The following NOS1AP variants were observed in gnomAD, a reference collection of about 807,000 sequenced individuals.
NOS1AP encodes the protein carboxyl-terminal PDZ ligand of neuronal nitric oxide synthase protein.
Under a neutral mutation model 56.2 loss-of-function variants are expected in NOS1AP, and 21 were observed. The observed-to-expected ratio is 0.37, with a 90% CI of 0.26 to 0.54. The LOEUF (loss-of-function observed/expected upper bound fraction) is 0.54. Ranked by LOEUF, NOS1AP falls within the 20% of genes least tolerant of loss-of-function variation. NOS1AP has a pLI of 0.84. For missense variants in NOS1AP, 522 were observed against 657.8 expected (o/e 0.79, Z 2.26); for synonymous variants, 270 against 274.6 (o/e 0.98, Z 0.17).
At chr1:162,282,760 C>T (rs1199741275) in intron 2 of NOS1AP, among the ~76,000 whole-genome samples, 3 of 152,212 alleles carry the variant, frequency 2.0e-5, no homozygotes, top group Non-Finnish European at 4.4e-5. Context: ...AGAAGCGAAG[C>T]TCCAAAGCTC....
At chr1:162,134,485 T>TAAA (rs66940059) in intron 1 of NOS1AP, among the ~76,000 whole-genome samples, 16 of 92,704 alleles carry the variant, frequency 1.7e-4, no homozygotes, top group Non-Finnish European at 2.6e-4. Flanking sequence ...AGACTTTGTC[T>TAAA]AAAAAAAAAA....
At chr1:162,116,580 G>C (rs960383480) in intron 1 of NOS1AP, among the ~76,000 whole-genome samples, 7 of 152,174 alleles carry the variant, frequency 4.6e-5, no homozygotes, top group Non-Finnish European at 1.0e-4. Context: ...TAGATTCGTA[G>C]TATGTTACCT....
At chr1:162,161,513 C>T (rs1417040827) in intron 2 of NOS1AP, among the ~76,000 whole-genome samples, 19 of 152,164 alleles carry the variant, frequency 1.2e-4, no homozygotes, top group Non-Finnish European at 2.8e-4. Flanking sequence ...ATGTATTTTA[C>T]AGTTATACAT....
rs984914105 is a variant in NOS1AP at position 162,200,030 on chromosome 1, C to T, written c.177+45554C>T. On this transcript the variant is annotated intron_variant, in intron 2 of 9. Coordinates refer to ENST00000361897, the MANE Select transcript of NOS1AP (RefSeq NM_014697.3). ...TTGGCACTGGTGGCATGTTACCACGCGAGATCTCAGGAAACCCATTTCACT... is the reference window on the plus strand; with the variant it reads ...TTGGCACTGGTGGCATGTTACCACGTGAGATCTCAGGAAACCCATTTCACT... 6.6e-5 allele frequency among the ~76,000 whole-genome samples: 10 copies of T among 152,214 alleles called. No individual in the cohort carries two copies. The East Asian group carries it at 9.7e-4, about 15-fold the overall frequency.
chr1:162,208,337 G>C (rs1012144835), intron 2 of NOS1AP, among the ~76,000 whole-genome samples: 2 of 152,170 alleles, frequency 1.3e-5, no homozygotes, highest in Non-Finnish European at 2.9e-5. Context: ...TTTTATAATT[G>C]TTTCATGTAG....
chr1:162,147,762 A>T (rs1490902294), intron 1 of NOS1AP, among the ~76,000 whole-genome samples: 2 of 152,172 alleles, frequency 1.3e-5, no homozygotes, highest in East Asian at 1.9e-4. Flanking sequence ...CCATATCTTG[A>T]TTACCTATAC....
intron 2 of NOS1AP, among the ~76,000 whole-genome samples, chr1:162,263,765 T>C (rs1477546623): frequency 6.6e-6 from 1 of 152,194 alleles, no homozygotes; most frequent in Non-Finnish European, 1.5e-5. Flanking sequence ...TTTGGATTTC[T>C]CAAAGACACC....
intron 4 of NOS1AP, among the ~76,000 whole-genome samples, chr1:162,304,880 T>C (rs574161697): frequency 6.6e-6 from 1 of 152,152 alleles, no homozygotes; most frequent in South Asian, 2.1e-4. Flanking sequence ...TATGATAATA[T>C]GGTAACATTT....
intron 2 of NOS1AP, among the ~76,000 whole-genome samples, chr1:162,155,243 CATATACACAT>C (rs1308220345): frequency 3.5e-5 from 5 of 144,784 alleles, no homozygotes; most frequent in Non-Finnish European, 7.6e-5. Context: ...TATACATATA[CATATACACAT>C]ACATATATAT....
intron 2 of NOS1AP, among the ~76,000 whole-genome samples, chr1:162,254,205 T>C (rs1172862334): frequency 6.6e-6 from 1 of 152,228 alleles, no homozygotes; most frequent in Non-Finnish European, 1.5e-5. Flanking sequence ...TCTTGGTCAA[T>C]GCCTATAGAT....
At chr1:162,307,335 CT>C (rs1444494466) in intron 4 of NOS1AP, among the ~76,000 whole-genome samples, 2 of 152,162 alleles carry the variant, frequency 1.3e-5, no homozygotes, top group Non-Finnish European at 2.9e-5. Flanking sequence ...AACAAAACTC[CT>C]TTTTAAAACT....
chr1:162,257,833 G>T (rs571216552), intron 2 of NOS1AP, among the ~76,000 whole-genome samples: 2 of 152,112 alleles, frequency 1.3e-5, no homozygotes, highest in Non-Finnish European at 2.9e-5. Context: ...GTAACCCAAA[G>T]TTCCTGGACC....
chr1:162,177,022 C>T (rs184720048), intron 2 of NOS1AP, among the ~76,000 whole-genome samples: 5 of 152,312 alleles, frequency 3.3e-5, no homozygotes, highest in Admixed American at 1.3e-4. Context: ...GCATCTACCT[C>T]CTCAATTCTA....
intron 1 of NOS1AP, among the ~76,000 whole-genome samples, chr1:162,128,233 G>A (rs1410599786): frequency 6.6e-6 from 1 of 151,690 alleles, no homozygotes; most frequent in African/African-American, 2.4e-5. Flanking sequence ...TTTCTAAATG[G>A]CAACCTGATT....
chr1:162,216,147 T>C (rs1652561957), intron 2 of NOS1AP, among the ~76,000 whole-genome samples: 1 of 152,236 alleles, frequency 6.6e-6, no homozygotes, highest in African/African-American at 2.4e-5. Flanking sequence ...TGACGTTGAT[T>C]TGCATTCCTT....
intron 3 of NOS1AP, among the ~76,000 whole-genome samples, chr1:162,296,541 A>G (rs547143714): frequency 5.9e-5 from 9 of 152,294 alleles, no homozygotes; most frequent in Admixed American, 3.9e-4. Flanking sequence ...GACATTCTAT[A>G]TGGGTGCTGG....
At chr1:162,337,751 A>G (rs1486353983) in intron 5 of NOS1AP, among the ~76,000 whole-genome samples, 1 of 152,216 alleles carries the variant, frequency 6.6e-6, no homozygotes, top group Non-Finnish European at 1.5e-5. Flanking sequence ...TGTCCTGTCA[A>G]TGTAGAAAAT....
chr1:162,293,234 T>G (rs1174075205), intron 3 of NOS1AP, among the ~76,000 whole-genome samples: 2 of 152,150 alleles, frequency 1.3e-5, no homozygotes, highest in Non-Finnish European at 2.9e-5. Flanking sequence ...TGCAATTTTT[T>G]TTTGAGTCAC....
chr1:162,196,364 T>G (rs949695647), intron 2 of NOS1AP, among the ~76,000 whole-genome samples: 1 of 152,230 alleles, frequency 6.6e-6, no homozygotes, highest in Non-Finnish European at 1.5e-5. Flanking sequence ...ACCACGCTCT[T>G]TCTGTATTAA....
Sources: gnomAD v4.1 joint callset for allele counts (sites outside exome capture counted in the v4.1 genomes callset) on GRCh38, gnomAD v4.1.1 for gene constraint, MANE v1.5 for transcripts, NCBI Gene and HGNC (gene_info 2026-07-23, HGNC 2026-07-21) for gene names.